The following DNAJC1 variants were observed in gnomAD, a reference collection of about 807,000 sequenced individuals.
DNAJC1 encodes the protein dnaJ homolog subfamily C member 1.
A neutral mutation model predicts 76.6 loss-of-function variants in DNAJC1; 58 were observed. That is an observed-to-expected ratio of 0.76 (90% confidence interval 0.61 to 0.94). DNAJC1 has a LOEUF of 0.94. Among genes scored for constraint, DNAJC1 ranks in the 40% least tolerant of loss-of-function variants. The pLI is 0.00. For missense variants in DNAJC1, 689 were observed against 677.3 expected (o/e 1.02, Z -0.19); for synonymous variants, 258 against 267.9 (o/e 0.96, Z 0.36).
chr10:21,977,938 T>C (rs1487810925), intron 1 of DNAJC1, among the ~76,000 whole-genome samples: 1 of 152,176 alleles, frequency 6.6e-6, no homozygotes, highest in Non-Finnish European at 1.5e-5. Context: ...ATGCCCAAGA[T>C]ATTTTTCTAC....
intron 9 of DNAJC1, chr10:21,785,263 A>G (rs1431947643): frequency 6.6e-6 from 1 of 152,156 alleles, no homozygotes; most frequent in Non-Finnish European, 1.5e-5. Flanking sequence ...TCAGGATGCA[A>G]AGCCTTTGTA....
chr10:21,870,978 A>G (rs1342331416), intron 8 of DNAJC1, among the ~76,000 whole-genome samples: 1 of 150,754 alleles, frequency 6.6e-6, no homozygotes, highest in Non-Finnish European at 1.5e-5. Context: ...ACTAACTTGC[A>G]AAGAATGGAA....
intron 1 of DNAJC1, among the ~76,000 whole-genome samples, chr10:21,940,761 T>C (rs539176488): frequency 6.6e-6 from 1 of 152,248 alleles, no homozygotes; most frequent in East Asian, 1.9e-4. Context: ...GATATCTAAT[T>C]ACTGGGGGAA....
At chr10:21,930,668 T>C (rs1837207539) in intron 1 of DNAJC1, among the ~76,000 whole-genome samples, 1 of 152,140 alleles carries the variant, frequency 6.6e-6, no homozygotes. Context: ...AAAAATTAAC[T>C]AAAGTACTGC....
At chr10:21,935,972 GAAA>G (rs1296274513) in intron 1 of DNAJC1, among the ~76,000 whole-genome samples, 1 of 152,132 alleles carries the variant, frequency 6.6e-6, no homozygotes. Flanking sequence ...CAAGCTGAAA[GAAA>G]AAGATACTAG....
At chr10:21,875,074 T>C (rs1247142856) in intron 8 of DNAJC1, among the ~76,000 whole-genome samples, 1 of 152,166 alleles carries the variant, frequency 6.6e-6, no homozygotes, top group Non-Finnish European at 1.5e-5. Flanking sequence ...AGAGACGGCC[T>C]TTCACCATGT....
At chr10:21,758,871 A>C (rs1272162312) in intron 11 of DNAJC1, among the ~76,000 whole-genome samples, 1 of 152,144 alleles carries the variant, frequency 6.6e-6, no homozygotes, top group Non-Finnish European at 1.5e-5. Context: ...CTTAAAACCT[A>C]GCCGGAGTGG....
At chr10:22,002,506 G>A (rs767714821) in intron 1 of DNAJC1, among the ~76,000 whole-genome samples, 27 of 152,128 alleles carry the variant, frequency 1.8e-4, no homozygotes, top group Admixed American at 3.3e-4. Context: ...CTACATTACT[G>A]ACCGGGGGCT....
chr10:21,791,977 G>A lies in DNAJC1; in HGVS notation c.1098+14003C>T, dbSNP rs1834694195. On this transcript the variant is annotated intron_variant, in intron 9 of 11. Coordinates refer to ENST00000376980, the MANE Select transcript of DNAJC1 (RefSeq NM_022365.4). ...ACAAAATTGATAAACCGTTAGCTTA[G>A]CGTAACCAAAAGAAATGAAAAACAT... Among the ~76,000 whole-genome samples the A allele has an allele frequency of 2.0e-5, 3 of 152,050 alleles. No individual in the cohort carries two copies. In the South Asian group the frequency reaches 6.2e-4, roughly 31 times the overall value.
chr10:21,959,539 C>T (rs538108560), intron 1 of DNAJC1, among the ~76,000 whole-genome samples: 1 of 151,996 alleles, frequency 6.6e-6, no homozygotes, highest in East Asian at 1.9e-4. Flanking sequence ...GCCTGTGATC[C>T]CAGCACTTTG....
chr10:21,801,882 C>T (rs1466382219), intron 9 of DNAJC1, among the ~76,000 whole-genome samples: 2 of 152,172 alleles, frequency 1.3e-5, no homozygotes, highest in South Asian at 2.1e-4. Context: ...AGCAAACTAA[C>T]GCAGGAATAA....
intron 1 of DNAJC1, among the ~76,000 whole-genome samples, chr10:21,958,555 G>A (rs932637183): frequency 6.6e-6 from 1 of 151,852 alleles, no homozygotes; most frequent in Admixed American, 6.6e-5. Flanking sequence ...AGCCTTCTCA[G>A]TAGCTAGGAC....
intron 1 of DNAJC1, among the ~76,000 whole-genome samples, chr10:21,970,543 A>G (rs906342950): frequency 2.6e-5 from 4 of 151,982 alleles, no homozygotes; most frequent in South Asian, 2.1e-4. Context: ...AATACTTGCA[A>G]TCCTGTTCAA....
At chr10:21,907,879 G>C (rs1222392427) in intron 6 of DNAJC1, among the ~76,000 whole-genome samples, 1 of 149,328 alleles carries the variant, frequency 6.7e-6, no homozygotes, top group Non-Finnish European at 1.5e-5. Context: ...TCAGGAGGCT[G>C]AGGCAAGAGA....
At chr10:21,890,773 C>T (rs1395547920) in intron 7 of DNAJC1, among the ~76,000 whole-genome samples, 1 of 152,074 alleles carries the variant, frequency 6.6e-6, no homozygotes, top group Non-Finnish European at 1.5e-5. Context: ...TAAATAAGGT[C>T]CAAAGTTTCA....
intron 9 of DNAJC1, among the ~76,000 whole-genome samples, chr10:21,790,856 G>T (rs990985972): frequency 6.6e-6 from 1 of 152,148 alleles, no homozygotes; most frequent in Non-Finnish European, 1.5e-5. Flanking sequence ...AATGACAGGA[G>T]TAAGTCCTCA....
chr10:21,907,494 A>G (rs560491241), intron 6 of DNAJC1, among the ~76,000 whole-genome samples: 1 of 152,274 alleles, frequency 6.6e-6, no homozygotes, highest in African/African-American at 2.4e-5. Context: ...ACTGACAAAT[A>G]GAAAGACTTT....
intron 6 of DNAJC1, among the ~76,000 whole-genome samples, chr10:21,908,789 A>G (rs988661329): frequency 6.6e-6 from 1 of 152,192 alleles, no homozygotes; most frequent in Non-Finnish European, 1.5e-5. Flanking sequence ...CCAAACAGAA[A>G]GAACTCCTAT....
intron 6 of DNAJC1, among the ~76,000 whole-genome samples, chr10:21,917,758 G>T (rs906202024): frequency 3.3e-5 from 5 of 151,722 alleles, no homozygotes; most frequent in African/African-American, 1.2e-4. Context: ...GATTCTATAA[G>T]CAATAACTAT....
Sources: gnomAD v4.1 joint callset for allele counts (sites outside exome capture counted in the v4.1 genomes callset) on GRCh38, gnomAD v4.1.1 for gene constraint, MANE v1.5 for transcripts, NCBI Gene and HGNC (gene_info 2026-07-23, HGNC 2026-07-21) for gene names.